The following HPSE2 variants were observed in gnomAD, a reference collection of about 807,000 sequenced individuals.
The protein encoded by HPSE2 is heparanase 2 (inactive), also known as inactive heparanase-2.
A neutral mutation model predicts 60.5 loss-of-function variants in HPSE2; 38 were observed. The ratio of observed to expected loss-of-function variants is 0.63; its 90% confidence interval spans 0.48 to 0.82. The LOEUF (loss-of-function observed/expected upper bound fraction) is 0.82, where lower values mean the gene tolerates loss of function less well. Among genes scored for constraint, HPSE2 ranks in the 40% least tolerant of loss-of-function variants. The pLI, the probability that HPSE2 is intolerant of heterozygous loss-of-function variation, is 0.00. For synonymous variants in HPSE2, 295 were observed against 293.2 expected, an observed-to-expected ratio of 1.01 and a Z score of -0.06; for missense variants, 713 against 740.4, an observed-to-expected ratio of 0.96 and a Z score of 0.43.
At chr10:98,844,759 G>A (rs982385726) in intron 3 of HPSE2, among the ~76,000 whole-genome samples, 1 of 152,018 alleles carries the variant, frequency 6.6e-6, no homozygotes, top group Non-Finnish European at 1.5e-5. Context: ...TTACATACAC[G>A]TTTCTAATAT....
chr10:98,721,359 T>C (rs1433639686), intron 5 of HPSE2, among the ~76,000 whole-genome samples: 3 of 152,138 alleles, frequency 2.0e-5, no homozygotes, highest in African/African-American at 7.2e-5. Flanking sequence ...AAAATGATGC[T>C]ATAAGATGCA....
intron 3 of HPSE2, among the ~76,000 whole-genome samples, chr10:99,133,882 C>T (rs9663755): frequency 0.026 from 3,956 of 152,140 alleles, 174 homozygotes; most frequent in African/African-American, 0.09. Flanking sequence ...TTTGACAGAT[C>T]GACAGAAGTA....
chr10:99,169,037 C>G (rs1356154714), intron 2 of HPSE2, among the ~76,000 whole-genome samples: 1 of 150,172 alleles, frequency 6.7e-6, no homozygotes, highest in African/African-American at 2.5e-5. Context: ...TAAAAAAATA[C>G]AAAAAATTAG....
At chr10:98,722,522 G>C (rs1948953327) in intron 4 of HPSE2, among the ~76,000 whole-genome samples, 1 of 152,010 alleles carries the variant, frequency 6.6e-6, no homozygotes, top group Non-Finnish European at 1.5e-5. Context: ...ATTTGTTATG[G>C]CAAGCGTAGA....
At chr10:98,853,313 G>C (rs1952228418) in intron 3 of HPSE2, among the ~76,000 whole-genome samples, 1 of 152,134 alleles carries the variant, frequency 6.6e-6, no homozygotes, top group African/African-American at 2.4e-5. Flanking sequence ...AGAAGGCATT[G>C]AGATAATTTG....
intron 3 of HPSE2, among the ~76,000 whole-genome samples, chr10:98,977,159 C>A (rs1474625132): frequency 6.6e-6 from 1 of 152,144 alleles, no homozygotes. Flanking sequence ...GCTATAGCAA[C>A]CATAGGAAAC....
chr10:98,933,451 T>C (rs1286249431), intron 3 of HPSE2, among the ~76,000 whole-genome samples: 2 of 144,468 alleles, frequency 1.4e-5, no homozygotes, highest in East Asian at 2.0e-4. Context: ...TGGAGCGTTC[T>C]ATAGATATCT....
rs867421482 is a variant in HPSE2 at position 99,181,271 on chromosome 10, G to A, written c.449-36872C>T. Among the ~76,000 whole-genome samples, 38 of 148,438 alleles carry A rather than the reference G, an allele frequency of 2.6e-4. 1 individual carries two copies. The South Asian group carries it at 3.2e-3, about 13-fold the overall frequency. On this transcript the variant is annotated intron_variant, in intron 2 of 11. Coordinates refer to ENST00000370552, the MANE Select transcript of HPSE2 (RefSeq NM_021828.5). ...AAATTAGCCGGGCGTAGTGGCGGGCGCCTGTAGTCCCAGCTACTCGGGAGG... is the reference window on the plus strand; with the variant it reads ...AAATTAGCCGGGCGTAGTGGCGGGCACCTGTAGTCCCAGCTACTCGGGAGG...
chr10:98,797,610 G>A (rs891305484), intron 3 of HPSE2, among the ~76,000 whole-genome samples: 14 of 152,008 alleles, frequency 9.2e-5, no homozygotes, highest in Non-Finnish European at 1.8e-4. Context: ...TTGGGAGGCC[G>A]AGGCGGGCAG....
At chr10:99,099,735 C>A (rs1843871500) in intron 3 of HPSE2, among the ~76,000 whole-genome samples, 1 of 152,192 alleles carries the variant, frequency 6.6e-6, no homozygotes, top group Admixed American at 6.5e-5. Context: ...AACTGGGAGG[C>A]ACCCCCTAGT....
chr10:98,656,402 C>T (rs191975817), intron 6 of HPSE2, among the ~76,000 whole-genome samples: 13 of 152,252 alleles, frequency 8.5e-5, no homozygotes, highest in Admixed American at 7.9e-4. Context: ...TGATTTTCTA[C>T]ACTTTCATTT....
chr10:98,987,750 G>T (rs1433796409), intron 3 of HPSE2, among the ~76,000 whole-genome samples: 2 of 152,220 alleles, frequency 1.3e-5, no homozygotes, highest in South Asian at 2.1e-4. Context: ...AAACCCCATC[G>T]TCTCAGCCCA....
At chr10:98,650,319 A>T (rs748109266) in intron 6 of HPSE2, among the ~76,000 whole-genome samples, 2 of 152,252 alleles carry the variant, frequency 1.3e-5, no homozygotes, top group Non-Finnish European at 2.9e-5. Context: ...GTTAGTGAGA[A>T]GCAAACTTCT....
intron 4 of HPSE2, among the ~76,000 whole-genome samples, chr10:98,731,659 C>T (rs1341122716): frequency 6.6e-6 from 1 of 152,078 alleles, no homozygotes; most frequent in South Asian, 2.1e-4. Context: ...AAAACCTAGA[C>T]CTAACATCAT....
chr10:98,882,328 A>G (rs1185617839), intron 3 of HPSE2, among the ~76,000 whole-genome samples: 1 of 152,060 alleles, frequency 6.6e-6, no homozygotes, highest in African/African-American at 2.4e-5. Context: ...ATGCAGCACT[A>G]TTGTGGCAAT....
intron 3 of HPSE2, among the ~76,000 whole-genome samples, chr10:98,840,435 A>G (rs1951883006): frequency 6.6e-6 from 1 of 152,204 alleles, no homozygotes; most frequent in Non-Finnish European, 1.5e-5. Flanking sequence ...CTGATAGGAG[A>G]GATGATAGGC....
At chr10:98,795,483 GA>G (rs1950760008) in intron 3 of HPSE2, among the ~76,000 whole-genome samples, 1 of 152,244 alleles carries the variant, frequency 6.6e-6, no homozygotes, top group Non-Finnish European at 1.5e-5. Context: ...ATTTGGACCA[GA>G]CTAGCCAGAG....
chr10:98,761,162 C>A (rs10883191), intron 3 of HPSE2, among the ~76,000 whole-genome samples: 105,279 of 151,742 alleles, frequency 0.69, 37,621 homozygotes, highest in Non-Finnish European at 0.8. Context: ...GTAACATCCC[C>A]TTTTTCCTTT....
At chr10:99,196,503 A>T (rs1848403032) in intron 2 of HPSE2, among the ~76,000 whole-genome samples, 2 of 152,084 alleles carry the variant, frequency 1.3e-5, no homozygotes, top group Non-Finnish European at 2.9e-5. Flanking sequence ...GCCCAAACAA[A>T]CTCTATAGGA....
Sources: allele counts gnomAD v4.1 joint callset (sites outside exome capture counted in the v4.1 genomes callset), GRCh38; gene constraint gnomAD v4.1.1; transcripts MANE v1.5; gene names NCBI Gene and HGNC (gene_info 2026-07-23, HGNC 2026-07-21).